SORCS1: variants seen among roughly 807,000 people sequenced by gnomAD.
SORCS1 encodes VPS10 domain-containing receptor SorCS1.
A neutral mutation model predicts 146.1 loss-of-function variants in SORCS1; 60 were observed. That is an observed-to-expected ratio of 0.41 (90% CI 0.33 to 0.51). The LOEUF (loss-of-function observed/expected upper bound fraction) is 0.51. Ranked by LOEUF, SORCS1 falls within the 20% of genes least tolerant of loss-of-function variation. The pLI, the probability that SORCS1 is intolerant of heterozygous loss-of-function variation, is 0.21. For missense variants in SORCS1, 1,352 were observed against 1,487.6 expected, an observed-to-expected ratio of 0.91 and a Z score of 1.50; for synonymous variants, 637 against 584.0, an observed-to-expected ratio of 1.09 and a Z score of -1.31.
intron 1 of SORCS1, among the ~76,000 whole-genome samples, chr10:106,962,185 AG>A (rs757121484): frequency 2.9e-4 from 44 of 152,218 alleles, no homozygotes; most frequent in Admixed American, 7.9e-4. Context: ...GGATCACCTG[AG>A]GTCGGGAGTT....
chr10:106,755,981 T>C (rs989332405), intron 5 of SORCS1, among the ~76,000 whole-genome samples: 4 of 151,956 alleles, frequency 2.6e-5, no homozygotes, highest in African/African-American at 9.7e-5. Flanking sequence ...TACAAAAAAT[T>C]AGCCAGGCAT....
intron 1 of SORCS1, among the ~76,000 whole-genome samples, chr10:107,033,543 TCAAA>T (rs1958762277): frequency 6.6e-6 from 1 of 152,196 alleles, no homozygotes; most frequent in African/African-American, 2.4e-5. Context: ...GATAGAGAAC[TCAAA>T]CAGAAACATA....
chr10:106,787,719 G>T (rs1049541039), intron 3 of SORCS1, among the ~76,000 whole-genome samples: 1 of 152,128 alleles, frequency 6.6e-6, no homozygotes, highest in Non-Finnish European at 1.5e-5. Flanking sequence ...TATGGATCTG[G>T]CCTAGTATCT....
chr10:106,988,780 C>T (rs552471831), intron 1 of SORCS1, among the ~76,000 whole-genome samples: 1 of 152,026 alleles, frequency 6.6e-6, no homozygotes, highest in Non-Finnish European at 1.5e-5. Flanking sequence ...AATTGTAACA[C>T]TGAAATATTT....
intron 2 of SORCS1, among the ~76,000 whole-genome samples, chr10:106,841,595 C>A (rs964375379): frequency 6.6e-6 from 1 of 152,126 alleles, no homozygotes; most frequent in Non-Finnish European, 1.5e-5. Context: ...AATTCATTCA[C>A]TTGCTTTATT....
At chr10:106,962,218 G>C (rs1026867624) in intron 1 of SORCS1, among the ~76,000 whole-genome samples, 1 of 151,870 alleles carries the variant, frequency 6.6e-6, no homozygotes, top group Non-Finnish European at 1.5e-5. Flanking sequence ...TGACCAACAT[G>C]GAGAAACCCC....
At chr10:106,849,429 A>G (rs1949450377) in intron 2 of SORCS1, among the ~76,000 whole-genome samples, 2 of 145,700 alleles carry the variant, frequency 1.4e-5, no homozygotes, top group South Asian at 2.3e-4. Context: ...CTTGGTTTTC[A>G]GCTCCATCAG....
At chr10:106,699,908 T>G (rs1335433929) in intron 8 of SORCS1, among the ~76,000 whole-genome samples, 1 of 152,176 alleles carries the variant, frequency 6.6e-6, no homozygotes, top group Non-Finnish European at 1.5e-5. Flanking sequence ...AAATGTGCAT[T>G]TAATAAGATT....
intron 1 of SORCS1, among the ~76,000 whole-genome samples, chr10:107,055,057 A>C (rs1219055973): frequency 6.6e-6 from 1 of 152,208 alleles, no homozygotes; most frequent in Non-Finnish European, 1.5e-5. Context: ...GGGGAGCTGA[A>C]ATATAATGCT....
At chr10:107,057,895 T>C (rs1373806792) in intron 1 of SORCS1, among the ~76,000 whole-genome samples, 1 of 152,146 alleles carries the variant, frequency 6.6e-6, no homozygotes, top group African/African-American at 2.4e-5. Context: ...CATCGCACTC[T>C]ACAGCCTCAA....
intron 6 of SORCS1, among the ~76,000 whole-genome samples, chr10:106,723,138 T>C (rs1307076801): frequency 2.6e-5 from 4 of 152,170 alleles, no homozygotes; most frequent in African/African-American, 7.2e-5. Flanking sequence ...CTGGGCAACA[T>C]GGTGAGACCT....
chr10:106,976,338 T>TG (rs1418161011), intron 1 of SORCS1, among the ~76,000 whole-genome samples: 1 of 133,766 alleles, frequency 7.5e-6, no homozygotes, highest in Non-Finnish European at 1.5e-5. Flanking sequence ...TTTTTGTTTT[T>TG]TTTTTTTTTT....
chr10:106,908,937 T>C (rs1054564380), intron 2 of SORCS1, among the ~76,000 whole-genome samples: 6 of 150,262 alleles, frequency 4.0e-5, no homozygotes, highest in African/African-American at 2.4e-5. Context: ...TACTCCATTA[T>C]TTTTTTTTAT....
chr10:106,911,717 T>A (rs986963962), intron 2 of SORCS1, among the ~76,000 whole-genome samples: 1 of 152,098 alleles, frequency 6.6e-6, no homozygotes, highest in African/African-American at 2.4e-5. Context: ...TAGATTCACA[T>A]GGGGAGATTT....
chr10:106,859,565 T>C (rs1420186952), intron 2 of SORCS1, among the ~76,000 whole-genome samples: 1 of 152,150 alleles, frequency 6.6e-6, no homozygotes, highest in Non-Finnish European at 1.5e-5. Context: ...AGGTAATTTT[T>C]GTATTTTTAG....
chr10:106,794,465 G>C (rs936020081), intron 3 of SORCS1, among the ~76,000 whole-genome samples: 6 of 150,604 alleles, frequency 4.0e-5, no homozygotes, highest in African/African-American at 1.5e-4. Context: ...TTCCTACAAC[G>C]TCCTATGCTC....
intron 1 of SORCS1, among the ~76,000 whole-genome samples, chr10:107,156,734 T>C (rs992635824): frequency 2.0e-5 from 3 of 152,238 alleles, no homozygotes; most frequent in African/African-American, 2.4e-5. Context: ...GTTTCCTATA[T>C]GGGAAGACGT....
intron 3 of SORCS1, among the ~76,000 whole-genome samples, chr10:106,786,329 T>C (rs1220611520): frequency 6.6e-6 from 1 of 152,186 alleles, no homozygotes; most frequent in African/African-American, 2.4e-5. Context: ...ATATTTCACT[T>C]CCAAGATGGC....
At chr10:106,687,773 A>G (rs772907918) in intron 10 of SORCS1, among the ~76,000 whole-genome samples, 5 of 151,610 alleles carry the variant, frequency 3.3e-5, no homozygotes, top group Non-Finnish European at 7.4e-5. Flanking sequence ...AAACATCTCC[A>G]CAAGAAAATA....
Sources: gnomAD v4.1 joint callset for allele counts (sites outside exome capture counted in the v4.1 genomes callset) on GRCh38, gnomAD v4.1.1 for gene constraint, MANE v1.5 for transcripts, NCBI Gene and HGNC (gene_info 2026-07-23, HGNC 2026-07-21) for gene names.